Variants in LIN52 observed in about 807,000 individuals in gnomAD.
LIN52 encodes the protein protein lin-52 homolog.
In LIN52, 4 loss-of-function variants were observed where a neutral mutation model predicts 18.5. That is an observed-to-expected ratio of 0.22 (90% confidence interval 0.11 to 0.49). LIN52 has a LOEUF of 0.49. Among genes scored for constraint, LIN52 ranks in the 20% least tolerant of loss-of-function variants. The pLI, the probability that LIN52 is intolerant of heterozygous loss-of-function variation, is 0.97. For missense variants in LIN52, 102 were observed against 139.5 expected (o/e 0.73, Z 1.35); for synonymous variants, 34 against 45.5 (o/e 0.75, Z 1.02).
At chr14:74,192,278 GTTTTTGTTTTTGT>G (rs1426726629) in intron 5 of LIN52, among the ~76,000 whole-genome samples, 1 of 151,766 alleles carries the variant, frequency 6.6e-6, no homozygotes, top group Admixed American at 6.6e-5. Context: ...GTTGTTTTTT[GTTTTTGTTTTTGT>G]TTTTTGTTTT....
At position 74,112,462 on chromosome 14, in the gene LIN52, T is replaced by C. The variant is rs114578071; in HGVS notation, c.283+11224T>C. The stretch of plus-strand genomic sequence containing the variant: ...TAAAAATGTGGTTAATTCAATAGTT[T>C]TTATATCTGCATATAAGACCCTAAA... On this transcript the variant is annotated intron_variant, in intron 5 of 5. Coordinates refer to ENST00000555028, the MANE Select transcript of LIN52 (RefSeq NM_001024674.3). Among the ~76,000 whole-genome samples the C allele has an allele frequency of 3.4e-3, 517 of 152,282 alleles. 4 individuals are homozygous for C. Among genetic ancestry groups the C allele is most frequent in the African/African-American group, 9.9e-3 (413 of 41,560 alleles).
In LIN52 at chr14:74,201,001, T is replaced by C. The variant is rs1329572270; in HGVS notation, c.*2024T>C. The C allele has an allele frequency of 6.6e-6, 1 of 152,240 alleles. No homozygotes were observed. Among genetic ancestry groups the C allele is most frequent in the African/African-American group, 2.4e-5 (1 of 41,472 alleles). 9.4% of individuals were successfully genotyped at this position (152,240 alleles called of 1,614,324 possible). ...GTGGTTGGTTTTCTGGTCCGCTTTG[T>C]CCTCTTTCTTTTACCGTCATCCTAT... On this transcript the variant is annotated 3_prime_UTR_variant, in exon 6 of 6. Transcript: ENST00000555028.
chr14:74,132,182 C>T (rs936128238), intron 5 of LIN52, among the ~76,000 whole-genome samples: 9 of 152,152 alleles, frequency 5.9e-5, no homozygotes, highest in Non-Finnish European at 1.2e-4. Flanking sequence ...ATTATTTGCC[C>T]AGAGTCACAG....
intron 5 of LIN52, among the ~76,000 whole-genome samples, chr14:74,111,660 T>C (rs2060929265): frequency 6.7e-6 from 1 of 149,654 alleles, no homozygotes; most frequent in East Asian, 2.0e-4. Context: ...TTTTGTGGGC[T>C]GACATCAGAA....
At chr14:74,127,808 C>T (rs922462014) in intron 5 of LIN52, among the ~76,000 whole-genome samples, 2 of 151,904 alleles carry the variant, frequency 1.3e-5, no homozygotes, top group African/African-American at 2.4e-5. Flanking sequence ...AATTCCTGGC[C>T]TCAAGCACTC....
At chr14:74,142,586 C>CT (rs2061136121) in intron 5 of LIN52, among the ~76,000 whole-genome samples, 2 of 151,684 alleles carry the variant, frequency 1.3e-5, no homozygotes, top group African/African-American at 4.8e-5. Flanking sequence ...AATTTAAAAT[C>CT]TAATTCCTCA....
At chr14:74,123,373 C>T (rs2061010332) in intron 5 of LIN52, among the ~76,000 whole-genome samples, 2 of 152,060 alleles carry the variant, frequency 1.3e-5, no homozygotes, top group African/African-American at 4.8e-5. Flanking sequence ...ATTGGGAAGT[C>T]CTGGGCAGTA....
chr14:74,117,485 G>A (rs1437213750), intron 5 of LIN52, among the ~76,000 whole-genome samples: 1 of 149,004 alleles, frequency 6.7e-6, no homozygotes, highest in Non-Finnish European at 1.5e-5. Context: ...TTTTTTTGGC[G>A]GGGGGGCTTT....
chr14:74,086,207 A>G (rs2060730137), intron 1 of LIN52, among the ~76,000 whole-genome samples: 6 of 152,126 alleles, frequency 3.9e-5, no homozygotes, highest in Admixed American at 2.6e-4. Context: ...TCATAGTTGG[A>G]TCCAGGTTTA....
rs549358953 is a variant in LIN52 at position 74,139,500 on chromosome 14, G to A, written c.283+38262G>A. ...TGGTGCTCCATAAATGGGTGACTGC[G>A]TGCCCAACATCTCCTGTTAAAGGAT... On this transcript the variant is annotated intron_variant, in intron 5 of 5. Coordinates refer to ENST00000555028, the MANE Select transcript of LIN52 (RefSeq NM_001024674.3). Among the ~76,000 whole-genome samples, 21 of 152,260 alleles carry A rather than the reference G, an allele frequency of 1.4e-4. No homozygotes were observed. In the South Asian group the frequency reaches 3.5e-3, roughly 26 times the overall value.
At chr14:74,113,850 C>T (rs2060946213) in intron 5 of LIN52, among the ~76,000 whole-genome samples, 1 of 152,090 alleles carries the variant, frequency 6.6e-6, no homozygotes, top group Non-Finnish European at 1.5e-5. Context: ...CCACTATTAA[C>T]ATTTCATGTG....
At chr14:74,110,500 A>T (rs1045536301) in intron 5 of LIN52, among the ~76,000 whole-genome samples, 1 of 152,042 alleles carries the variant, frequency 6.6e-6, no homozygotes, top group African/African-American at 2.4e-5. Context: ...CCAACATGGT[A>T]AAACCTTGTC....
chr14:74,183,098 TCTCTC>T (rs1371460424), intron 5 of LIN52, among the ~76,000 whole-genome samples: 125 of 89,910 alleles, frequency 1.4e-3, no homozygotes, highest in Middle Eastern at 4.9e-3. Context: ...TCTCTCTCTC[TCTCTC>T]TTTTTTTTTT....
chr14:74,104,537 C>A (rs1342909887), intron 5 of LIN52, among the ~76,000 whole-genome samples: 1 of 148,980 alleles, frequency 6.7e-6, no homozygotes, highest in Non-Finnish European at 1.5e-5. Flanking sequence ...GTTCACCTAT[C>A]CCTTTTTTAT....
At chr14:74,118,686 A>T (rs2060978630) in intron 5 of LIN52, among the ~76,000 whole-genome samples, 1 of 152,184 alleles carries the variant, frequency 6.6e-6, no homozygotes, top group Admixed American at 6.5e-5. Flanking sequence ...AGGTGGGAGG[A>T]TCACCTGAAC....
intron 5 of LIN52, among the ~76,000 whole-genome samples, chr14:74,178,525 T>C (rs1300065034): frequency 2.0e-5 from 3 of 151,968 alleles, no homozygotes; most frequent in African/African-American, 7.2e-5. Context: ...TGGTGCGATT[T>C]TGGCTCACTG....
At chr14:74,127,766 G>T (rs1206213298) in intron 5 of LIN52, among the ~76,000 whole-genome samples, 2 of 151,778 alleles carry the variant, frequency 1.3e-5, no homozygotes. Flanking sequence ...TTTTTGAGAT[G>T]GGGTCTTGCT....
chr14:74,103,929 G>A (rs964382515), intron 5 of LIN52, among the ~76,000 whole-genome samples: 2 of 146,392 alleles, frequency 1.4e-5, no homozygotes, highest in African/African-American at 5.1e-5. Flanking sequence ...GTCTCGCTCT[G>A]TCGCCAGGTT....
At chr14:74,095,258 C>A (rs571793889) in intron 2 of LIN52, among the ~76,000 whole-genome samples, 31 of 147,456 alleles carry the variant, frequency 2.1e-4, no homozygotes, top group Non-Finnish European at 4.2e-4. Context: ...CTCAAGCCTT[C>A]CAAGTAGCTA....
Sources: gnomAD v4.1 joint callset for allele counts (sites outside exome capture counted in the v4.1 genomes callset) on GRCh38, gnomAD v4.1.1 for gene constraint, MANE v1.5 for transcripts, NCBI Gene and HGNC (gene_info 2026-07-23, HGNC 2026-07-21) for gene names.